The following FMN1 variants were observed in gnomAD, a reference collection of about 807,000 sequenced individuals.
FMN1 encodes the protein formin 1, also known as formin-1.
In FMN1, 110 loss-of-function variants were observed where a neutral mutation model predicts 132.4. The observed-to-expected ratio is 0.83, with a 90% CI of 0.71 to 0.97. The LOEUF (loss-of-function observed/expected upper bound fraction) is 0.97. Among genes scored for constraint, FMN1 ranks in the 50% least tolerant of loss-of-function variants. FMN1 has a pLI of 0.00. For missense variants in FMN1, 1,792 were observed against 1,705.3 expected (o/e 1.05, Z -0.90); for synonymous variants, 722 against 651.7 (o/e 1.11, Z -1.64).
intron 9 of FMN1, among the ~76,000 whole-genome samples, chr15:32,943,869 A>G: frequency 6.6e-6 from 1 of 152,226 alleles, no homozygotes; most frequent in East Asian, 1.9e-4. Flanking sequence ...ACAGAGTGAG[A>G]GTTTCGCAAT....
chr15:32,993,902 G>A (rs987884654), intron 7 of FMN1, among the ~76,000 whole-genome samples: 3 of 147,306 alleles, frequency 2.0e-5, no homozygotes, highest in Non-Finnish European at 4.5e-5. Flanking sequence ...AACAGCAGCC[G>A]GGGGCGGGGT....
At chr15:32,814,919 G>A (rs1471523765) in intron 17 of FMN1, among the ~76,000 whole-genome samples, 1 of 147,330 alleles carries the variant, frequency 6.8e-6, no homozygotes, top group Non-Finnish European at 1.5e-5. Context: ...GTGGTAATAG[G>A]CTGCATGTTT....
intron 5 of FMN1, among the ~76,000 whole-genome samples, chr15:33,079,191 T>C (rs951025441): frequency 1.3e-5 from 2 of 152,254 alleles, no homozygotes; most frequent in African/African-American, 4.8e-5. Flanking sequence ...TGAACAGCTA[T>C]GTATTTCTCA....
At chr15:32,806,662 T>C (rs2057693013) in intron 17 of FMN1, among the ~76,000 whole-genome samples, 1 of 152,218 alleles carries the variant, frequency 6.6e-6, no homozygotes, top group African/African-American at 2.4e-5. Context: ...CACCCCTTCC[T>C]TTCCAGCTTC....
chr15:32,955,908 T>C (rs1468723772), intron 9 of FMN1, among the ~76,000 whole-genome samples: 1 of 152,214 alleles, frequency 6.6e-6, no homozygotes, highest in Non-Finnish European at 1.5e-5. Flanking sequence ...ATATTCCATA[T>C]ATTTTTATAC....
At chr15:33,030,684 G>A (rs193127546) in intron 6 of FMN1, among the ~76,000 whole-genome samples, 2 of 152,170 alleles carry the variant, frequency 1.3e-5, no homozygotes, top group East Asian at 1.9e-4. Context: ...TTTACATACC[G>A]AAAAGAAAGT....
Position 33,169,544 on chromosome 15 carries a change from C to T in FMN1, c.-132+10654G>A, listed in dbSNP as rs116021875. On this transcript the variant is annotated intron_variant, in intron 3 of 20. Coordinates refer to ENST00000616417, the MANE Select transcript of FMN1 (RefSeq NM_001277313.2). Reference sequence around the variant, plus strand: ...TAAGTTTCTTCCTCTTCCAAAAATACCAGGGAATTTCTGGGAATTAAAGAA... The same window carrying T: ...TAAGTTTCTTCCTCTTCCAAAAATATCAGGGAATTTCTGGGAATTAAAGAA... Among the ~76,000 whole-genome samples the T allele has an allele frequency of 7.0e-3, 1,066 of 152,002 alleles. 10 individuals carry two copies. Among genetic ancestry groups the T allele is most frequent in the African/African-American group, 0.025 (1,016 of 41,462 alleles).
At chr15:32,799,618 AC>A (rs1210495741) in intron 18 of FMN1, among the ~76,000 whole-genome samples, 1 of 152,118 alleles carries the variant, frequency 6.6e-6, no homozygotes, top group Admixed American at 6.5e-5. Flanking sequence ...TGGATGAAAA[AC>A]CATTTCTGAT....
At chr15:33,182,003 C>G (rs1296139365) in intron 2 of FMN1, among the ~76,000 whole-genome samples, 4 of 152,146 alleles carry the variant, frequency 2.6e-5, no homozygotes, top group African/African-American at 4.8e-5. Context: ...AGCCACCATA[C>G]CCGGCCCGTG....
At chr15:32,971,032 C>A (rs967943152) in intron 7 of FMN1, among the ~76,000 whole-genome samples, 1 of 152,202 alleles carries the variant, frequency 6.6e-6, no homozygotes, top group African/African-American at 2.4e-5. Context: ...TGGACTCACA[C>A]CACCTGGTTC....
chr15:32,933,385 C>T (rs1360925389), intron 9 of FMN1, among the ~76,000 whole-genome samples: 1 of 152,126 alleles, frequency 6.6e-6, no homozygotes, highest in Non-Finnish European at 1.5e-5. Context: ...GGCTTGTTTT[C>T]TGACATAACG....
At chr15:33,109,296 A>G (rs1308568513) in intron 4 of FMN1, among the ~76,000 whole-genome samples, 1 of 152,144 alleles carries the variant, frequency 6.6e-6, no homozygotes, top group East Asian at 1.9e-4. Context: ...CAAAACATTA[A>G]TAGATAAATG....
At chr15:33,120,290 G>A (rs1206072189) in intron 4 of FMN1, among the ~76,000 whole-genome samples, 3 of 152,160 alleles carry the variant, frequency 2.0e-5, no homozygotes, top group African/African-American at 7.2e-5. Flanking sequence ...CCCTGCTAAA[G>A]ATAGCAGATG....
chr15:32,881,839 A>AC (rs1475302370), intron 16 of FMN1, among the ~76,000 whole-genome samples: 1 of 152,172 alleles, frequency 6.6e-6, no homozygotes, highest in Non-Finnish European at 1.5e-5. Context: ...CTTCTCATCT[A>AC]CATCAGGAGC....
chr15:33,021,185 A>T (rs1004643938), intron 6 of FMN1, among the ~76,000 whole-genome samples: 3 of 152,254 alleles, frequency 2.0e-5, no homozygotes, highest in Non-Finnish European at 2.9e-5. Flanking sequence ...CCCTAGCCAC[A>T]GTCAGCAGTC....
intron 5 of FMN1, chr15:33,067,293 C>T (rs571061345): frequency 3.7e-6 from 6 of 1,613,836 alleles, no homozygotes; most frequent in African/African-American, 1.3e-5. Context: ...AGCTCTGCAC[C>T]ATTCATTTCC....
chr15:33,058,472 T>G lies in FMN1; in HGVS notation c.2161+6485A>C, dbSNP rs139059733. On this transcript the variant is annotated intron_variant, in intron 6 of 20. Transcript: ENST00000616417. Reference sequence around the variant, plus strand: ...TTTACATGTACACCATGCATTTTACTACACAAACTGTGGCTCAATGAACGG... The same window carrying G: ...TTTACATGTACACCATGCATTTTACGACACAAACTGTGGCTCAATGAACGG... Among the ~76,000 whole-genome samples, 1,457 of 152,362 alleles carry G rather than the reference T, an allele frequency of 9.6e-3. 16 individuals are homozygous for G. Among genetic ancestry groups the G allele is most frequent in the South Asian group, 0.015 (73 of 4,826 alleles).
intron 12 of FMN1, 30 bp downstream of exon 12, chr15:32,908,460 G>T: frequency 1.4e-6 from 2 of 1,447,978 alleles, no homozygotes; most frequent in Non-Finnish European, 1.9e-6. Context: ...TCTCCTTTTG[G>T]CCTAACAGAA....
At chr15:33,058,012 G>A (rs1036573098) in intron 6 of FMN1, among the ~76,000 whole-genome samples, 6 of 146,496 alleles carry the variant, frequency 4.1e-5, no homozygotes, top group African/African-American at 1.2e-4. Flanking sequence ...AAGGCGTGGC[G>A]GGGCTGGTAG....
Sources: gnomAD v4.1 joint callset for allele counts (sites outside exome capture counted in the v4.1 genomes callset) on GRCh38, gnomAD v4.1.1 for gene constraint, MANE v1.5 for transcripts, NCBI Gene and HGNC (gene_info 2026-07-23, HGNC 2026-07-21) for gene names.